ITGB8: variants seen among roughly 807,000 people sequenced by gnomAD.
The protein encoded by ITGB8 is integrin beta-8.
Under a neutral mutation model 89.5 loss-of-function variants are expected in ITGB8, and 30 were observed. The ratio of observed to expected loss-of-function variants is 0.34; its 90% CI spans 0.25 to 0.45. The LOEUF (loss-of-function observed/expected upper bound fraction) is 0.45. Among genes scored for constraint, ITGB8 ranks in the 20% least tolerant of loss-of-function variants. The pLI, the probability that ITGB8 is intolerant of heterozygous loss-of-function variation, is 1.00. For missense variants in ITGB8, 836 were observed against 933.3 expected, an observed-to-expected ratio of 0.90 and a Z score of 1.36; for synonymous variants, 335 against 320.4, an observed-to-expected ratio of 1.05 and a Z score of -0.49.
intron 4 of ITGB8, chr7:20,379,928 C>A (rs1382885343): frequency 6.6e-6 from 1 of 152,176 alleles, no homozygotes; most frequent in Non-Finnish European, 1.5e-5. Flanking sequence ...GTGTCTCACA[C>A]AATATTGCCA....
At chr7:20,366,965 A>C (rs952502537) in intron 2 of ITGB8, 47 bp from the exon 3 acceptor site, 1 of 1,325,930 alleles carries the variant, frequency 7.5e-7, no homozygotes, top group East Asian at 2.4e-5. Context: ...CTTTGGATGT[A>C]ATTGATATAC....
intron 8 of ITGB8, among the ~76,000 whole-genome samples, chr7:20,396,137 T>C (rs1787063594): frequency 6.6e-6 from 1 of 152,056 alleles, no homozygotes; most frequent in African/African-American, 2.4e-5. Context: ...GTAGACACAA[T>C]ATATGAAATG....
intron 1 of ITGB8, among the ~76,000 whole-genome samples, chr7:20,359,637 G>A (rs1438056821): frequency 6.6e-6 from 1 of 151,964 alleles, no homozygotes; most frequent in Non-Finnish European, 1.5e-5. Context: ...AGAAGGGTGT[G>A]TTTGTATGTG....
chr7:20,375,736 C>T (rs1434230226), intron 3 of ITGB8, among the ~76,000 whole-genome samples: 2 of 152,218 alleles, frequency 1.3e-5, no homozygotes, highest in African/African-American at 2.4e-5. Flanking sequence ...TATTAATATT[C>T]AATACAAATA....
chr7:20,357,605 C>T (rs1471892964), intron 1 of ITGB8, among the ~76,000 whole-genome samples: 1 of 152,166 alleles, frequency 6.6e-6, no homozygotes, highest in Non-Finnish European at 1.5e-5. Flanking sequence ...GCCGTGAGCA[C>T]TCTGTTGGGA....
At chr7:20,372,757 C>T (rs1343462462) in intron 3 of ITGB8, among the ~76,000 whole-genome samples, 1 of 152,122 alleles carries the variant, frequency 6.6e-6, no homozygotes, top group Non-Finnish European at 1.5e-5. Flanking sequence ...TGCAAATTAG[C>T]ATAATTGTCT....
At chr7:20,342,727 A>T (rs950227994) in intron 1 of ITGB8, among the ~76,000 whole-genome samples, 2 of 151,794 alleles carry the variant, frequency 1.3e-5, no homozygotes, top group Non-Finnish European at 2.9e-5. Context: ...AGGTGGTGGG[A>T]ATCTGGGCAC....
intron 3 of ITGB8, among the ~76,000 whole-genome samples, chr7:20,376,030 G>T (rs1034574445): frequency 3.3e-5 from 5 of 152,146 alleles, no homozygotes; most frequent in Non-Finnish European, 7.4e-5. Context: ...TGGGAGGAAG[G>T]AGGAAAAGTG....
At chr7:20,395,088 G>A in intron 8 of ITGB8, 103 bp downstream of exon 8, 1 of 660,334 alleles carries the variant, frequency 1.5e-6, no homozygotes, top group Non-Finnish European at 2.6e-6. Context: ...GGAGTAGAAA[G>A]CATATTAGAT....
chr7:20,332,343 T>A (rs1784432961), intron 1 of ITGB8, among the ~76,000 whole-genome samples: 1 of 152,222 alleles, frequency 6.6e-6, no homozygotes, highest in Non-Finnish European at 1.5e-5. Context: ...AACTCGAGGC[T>A]GTAGATAAGT....
chr7:20,339,244 C>A (rs941060063), intron 1 of ITGB8, among the ~76,000 whole-genome samples: 2 of 150,282 alleles, frequency 1.3e-5, no homozygotes, highest in Non-Finnish European at 3.0e-5. Context: ...ACATGAATGA[C>A]CTAATTTGGT....
At chr7:20,350,613 C>T (rs182087214) in intron 1 of ITGB8, among the ~76,000 whole-genome samples, 1 of 152,212 alleles carries the variant, frequency 6.6e-6, no homozygotes, top group African/African-American at 2.4e-5. Flanking sequence ...AGTGGAGGAA[C>T]ACAGCACACA....
At chr7:20,346,823 C>G in intron 1 of ITGB8, 1 of 985,400 alleles carries the variant, frequency 1.0e-6, no homozygotes, top group Non-Finnish European at 1.2e-6. Flanking sequence ...TGACATAGGA[C>G]TTTAGGAGAA....
intron 1 of ITGB8, among the ~76,000 whole-genome samples, chr7:20,357,523 G>A (rs1785339749): frequency 6.6e-6 from 1 of 152,054 alleles, no homozygotes; most frequent in African/African-American, 2.4e-5. Context: ...TGTGTATATA[G>A]ATAATATACC....
At chr7:20,344,675 G>A (rs1784864789) in intron 1 of ITGB8, among the ~76,000 whole-genome samples, 1 of 152,196 alleles carries the variant, frequency 6.6e-6, no homozygotes, top group Non-Finnish European at 1.5e-5. Flanking sequence ...TGCAGTAGCA[G>A]GACAAAGCTT....
chr7:20,361,194 G>A (rs2127940165), intron 1 of ITGB8, among the ~76,000 whole-genome samples: 1 of 152,068 alleles, frequency 6.6e-6, no homozygotes, highest in Admixed American at 6.6e-5. Flanking sequence ...CACTTTTTGA[G>A]ATTGCAGTCT....
Position 20,381,862 on chromosome 7 carries a change from G to C in ITGB8, c.937G>C (p.Val313Leu). Residue 313 changes from valine to leucine, a missense_variant, in exon 6 of 14, where the codon GTC (valine) becomes CTC (leucine). Physicochemically the swap from Val to Leu is conservative, Grantham distance 32. This residue lies in a region of ITGB8 where 192 missense variants were observed against 267.1 expected (regional missense o/e 0.72). Transcript: ENST00000222573. ...CGGAAACTGTCATCTGAAAAACAAC[G>C]TCTATGTCAAATCGACAACCATGGT... The part of the protein sequence containing the change: ...NDGNCHLKNN[V>L]YVKSTTMEHP... The C allele has an allele frequency of 1.2e-6, 2 of 1,613,044 alleles. No homozygotes were observed. The highest frequency in any genetic ancestry group is 8.5e-7 in the Non-Finnish European group (1 of 1,179,724).
intron 1 of ITGB8, among the ~76,000 whole-genome samples, chr7:20,345,994 G>GCA (rs895372032): frequency 2.6e-5 from 4 of 152,144 alleles, no homozygotes; most frequent in Admixed American, 2.0e-4. Context: ...AAACGAGAAA[G>GCA]CATCTCCCTG....
At chr7:20,387,901 C>T (rs564592696) in intron 6 of ITGB8, among the ~76,000 whole-genome samples, 19 of 152,210 alleles carry the variant, frequency 1.2e-4, no homozygotes, top group African/African-American at 4.3e-4. Context: ...ATGCTATTTG[C>T]CTCTTTCCTC....
Sources: gnomAD v4.1 joint callset for allele counts (sites outside exome capture counted in the v4.1 genomes callset) on GRCh38, gnomAD v4.1.1 for gene constraint, gnomAD v4.1.1 regional missense constraint, MANE v1.5 for transcripts, NCBI Gene and HGNC (gene_info 2026-07-23, HGNC 2026-07-21) for gene names.